The following CRACDL variants were observed in gnomAD, a reference collection of about 807,000 sequenced individuals.
CRACDL encodes CRACD-like protein.
CRACDL carries 26 observed loss-of-function variants against 70.6 expected under a neutral mutation model. That is an observed-to-expected ratio of 0.37 (90% CI 0.27 to 0.51). CRACDL has a LOEUF of 0.51. Among genes scored for constraint, CRACDL ranks in the 20% least tolerant of loss-of-function variants. CRACDL has a pLI of 0.94. For synonymous variants in CRACDL, 618 were observed against 615.2 expected (o/e 1.00, Z -0.07); for missense variants, 1,283 against 1,376.9 (o/e 0.93, Z 1.08).
At chr2:98,925,780 T>C (rs1245080995) in intron 1 of CRACDL, among the ~76,000 whole-genome samples, 1 of 152,134 alleles carries the variant, frequency 6.6e-6, no homozygotes, top group East Asian at 1.9e-4. Flanking sequence ...AAGGTGAAGT[T>C]ACCCAAAAGG....
chr2:98,882,232 T>C (rs1707672527), intron 1 of CRACDL, among the ~76,000 whole-genome samples: 1 of 152,220 alleles, frequency 6.6e-6, no homozygotes, highest in Non-Finnish European at 1.5e-5. Flanking sequence ...AGGGCACTAC[T>C]GAACAGAGGG....
chr2:98,870,036 C>T (rs1473865792), intron 1 of CRACDL, among the ~76,000 whole-genome samples: 2 of 152,222 alleles, frequency 1.3e-5, no homozygotes, highest in Non-Finnish European at 2.9e-5. Context: ...GACACAGCCA[C>T]TTGCCCTGGT....
At chr2:98,855,046 T>C (rs1056953111) in intron 1 of CRACDL, among the ~76,000 whole-genome samples, 27 of 152,326 alleles carry the variant, frequency 1.8e-4, no homozygotes, top group South Asian at 4.1e-4. Context: ...TCCCAACACT[T>C]TGGGAGCCCA....
intron 1 of CRACDL, among the ~76,000 whole-genome samples, chr2:98,887,050 C>A (rs1707816340): frequency 6.6e-6 from 1 of 152,066 alleles, no homozygotes; most frequent in Admixed American, 6.5e-5. Context: ...AATAGAAGGT[C>A]TGGAGTTGCA....
chr2:98,892,872 C>T (rs1314090258), intron 1 of CRACDL, among the ~76,000 whole-genome samples: 1 of 152,148 alleles, frequency 6.6e-6, no homozygotes, highest in African/African-American at 2.4e-5. Context: ...ACCCACTGCA[C>T]CCTTCCTCAC....
Position 98,822,247 on chromosome 2 carries a change from T to C in CRACDL, c.2026A>G (p.Ser676Gly). The change falls in exon 7 of 10, where the codon AGT becomes GGT. Residue 676 changes from serine (S) to glycine (G), a missense_variant. Physicochemically the swap from Ser to Gly is moderately conservative, Grantham distance 56. This residue lies in a region of CRACDL where 921 missense variants were observed against 881.9 expected (regional missense o/e 1.04). Coordinates refer to ENST00000397899, the MANE Select transcript of CRACDL (RefSeq NM_207362.3). The surrounding 1 kb of genome is among the most constrained non-coding windows in gnomAD (Gnocchi z 4.9). Reference protein sequence around the residue: ...PCPAAQEPAPSEDRNPFPVKL... With the variant: ...PCPAAQEPAPGEDRNPFPVKL... ...ACGGGGAAGGGGTTTCTGTCCTCAC[T>C]CGGGGCCGGCTCCTGGGCGGCTGGG... The C allele has an allele frequency of 6.3e-7, 1 of 1,598,874 alleles. No homozygotes were observed. The highest frequency in any genetic ancestry group is 8.5e-7 in the Non-Finnish European group (1 of 1,177,698).
intron 1 of CRACDL, among the ~76,000 whole-genome samples, chr2:98,899,987 C>G (rs1438333899): frequency 1.6e-5 from 2 of 128,848 alleles, no homozygotes; most frequent in African/African-American, 3.0e-5. Context: ...CACAGATGGA[C>G]AGAGGCTCAG....
intron 1 of CRACDL, chr2:98,897,368 A>G (rs1240884562): frequency 1.6e-5 from 21 of 1,303,534 alleles, no homozygotes; most frequent in Non-Finnish European, 2.1e-5. Context: ...TGCTCCTCTT[A>G]GCACCTACCT....
intron 6 of CRACDL, among the ~76,000 whole-genome samples, chr2:98,825,432 T>C (rs1428960591): frequency 6.6e-6 from 1 of 152,162 alleles, no homozygotes; most frequent in Non-Finnish European, 1.5e-5. Flanking sequence ...GAAAGAAGGA[T>C]ATAAGCCCTG....
chr2:98,910,301 C>T (rs1708516056), intron 1 of CRACDL, among the ~76,000 whole-genome samples: 1 of 152,100 alleles, frequency 6.6e-6, no homozygotes, highest in African/African-American at 2.4e-5. Flanking sequence ...GGGTGAATCA[C>T]CTGAGGCCAG....
Position 98,872,369 on chromosome 2 carries a change from A to C in CRACDL, c.-10-25559T>G, listed in dbSNP as rs191526948. Among the ~76,000 whole-genome samples the C allele has an allele frequency of 6.0e-3, 915 of 152,262 alleles. 4 individuals are homozygous for C. The highest frequency in any genetic ancestry group is 9.9e-3 in the Non-Finnish European group (671 of 68,028). On this transcript the variant is annotated intron_variant, in intron 1 of 9. Coordinates refer to ENST00000397899, the MANE Select transcript of CRACDL (RefSeq NM_207362.3). ...TGAGACTCTGTCTCAAAAGAAAAGA[A>C]AAGACCACATGTTCTCACTTATAAG...
At chr2:98,901,855 C>T (rs555400134) in intron 1 of CRACDL, among the ~76,000 whole-genome samples, 6 of 152,190 alleles carry the variant, frequency 3.9e-5, no homozygotes, top group South Asian at 4.2e-4. Context: ...GAACACACTG[C>T]GCCCAGCTGG....
chr2:98,873,488 G>A (rs1006242297), intron 1 of CRACDL, among the ~76,000 whole-genome samples: 1 of 152,190 alleles, frequency 6.6e-6, no homozygotes, highest in African/African-American at 2.4e-5. Flanking sequence ...GCTGAGCTCT[G>A]ACCCCAGGGT....
chr2:98,881,023 G>A (rs527310384), intron 1 of CRACDL, among the ~76,000 whole-genome samples: 15 of 152,284 alleles, frequency 9.9e-5, no homozygotes, highest in Admixed American at 3.9e-4. Context: ...GGCTATCAGC[G>A]CCACTGCAGG....
At chr2:98,908,904 T>G (rs181923072) in intron 1 of CRACDL, among the ~76,000 whole-genome samples, 1 of 152,312 alleles carries the variant, frequency 6.6e-6, no homozygotes, top group African/African-American at 2.4e-5. Flanking sequence ...GTCCCTATAT[T>G]TATTTGTATC....
chr2:98,890,054 A>G (rs889850866), intron 1 of CRACDL, among the ~76,000 whole-genome samples: 9 of 152,226 alleles, frequency 5.9e-5, no homozygotes, highest in African/African-American at 2.2e-4. Context: ...ATGTTAAAAA[A>G]GAAGAAAAGT....
At chr2:98,843,183 T>C (rs1706110860) in intron 2 of CRACDL, among the ~76,000 whole-genome samples, 1 of 152,194 alleles carries the variant, frequency 6.6e-6, no homozygotes, top group Non-Finnish European at 1.5e-5. Context: ...TTCTTTGCCA[T>C]TTTGTACATC....
At chr2:98,907,021 G>A (rs539369579) in intron 1 of CRACDL, among the ~76,000 whole-genome samples, 1 of 152,322 alleles carries the variant, frequency 6.6e-6, no homozygotes, top group Non-Finnish European at 1.5e-5. Flanking sequence ...GCCAGGTGCA[G>A]TGGCTCACAA....
intron 1 of CRACDL, among the ~76,000 whole-genome samples, chr2:98,878,785 C>A (rs147686124): frequency 7.2e-5 from 11 of 152,232 alleles, no homozygotes; most frequent in African/African-American, 2.2e-4. Context: ...GACTGAGAGG[C>A]GCCCAGCATC....
Sources: gnomAD v4.1 joint callset for allele counts (sites outside exome capture counted in the v4.1 genomes callset) on GRCh38, gnomAD v4.1.1 for gene constraint, gnomAD v4.1.1 regional missense constraint, Gnocchi (gnomAD v3.1) non-coding constraint, MANE v1.5 for transcripts, NCBI Gene and HGNC (gene_info 2026-07-23, HGNC 2026-07-21) for gene names.